The following MRRF variants were observed in gnomAD, a reference collection of about 807,000 sequenced individuals.
MRRF encodes mitochondrial ribosome recycling factor.
MRRF carries 18 observed loss-of-function variants against 25.1 expected under a neutral mutation model. That is an observed-to-expected ratio of 0.72 (90% CI 0.50 to 1.06). The LOEUF is 1.06. Among genes scored for constraint, MRRF ranks in the 50% least tolerant of loss-of-function variants. The probability of loss-of-function intolerance (pLI) is 0.00; values close to 1 mark genes in which losing one functional copy is unlikely to be tolerated. For missense variants in MRRF, 323 were observed against 319.3 expected (o/e 1.01, Z -0.09); for synonymous variants, 113 against 112.1 (o/e 1.01, Z -0.05).
chr9:122,329,646 A>C lies in MRRF; in HGVS notation c.*7029A>C, dbSNP rs1309823994. 6.6e-6 allele frequency: 1 copy of C among 152,398 alleles called. No individual in the cohort carries two copies. Among genetic ancestry groups the C allele is most frequent in the Non-Finnish European group, 1.5e-5 (1 of 68,142 alleles). The allele number at this position is 152,398 out of a possible 1,614,324, so 9.4% of individuals were successfully genotyped here. Reference sequence around the variant, plus strand: ...TCCCTCTCCCCTCATCCAATAAGTCACCAAGTCCTGTCAATTCTCCCTTCA... The same window carrying C: ...TCCCTCTCCCCTCATCCAATAAGTCCCCAAGTCCTGTCAATTCTCCCTTCA... On this transcript the variant is annotated 3_prime_UTR_variant, in exon 7 of 7. Transcript: ENST00000344641.
intron 5 of MRRF, among the ~76,000 whole-genome samples, chr9:122,308,699 C>CAAAAA (rs776774424): frequency 6.7e-5 from 4 of 60,104 alleles, no homozygotes; most frequent in African/African-American, 2.6e-4. Context: ...ACTCCATCTC[C>CAAAAA]AAAAAAAAAA....
intron 1 of MRRF, among the ~76,000 whole-genome samples, chr9:122,266,912 A>T (rs1037709354): frequency 2.6e-5 from 4 of 151,888 alleles, no homozygotes; most frequent in Non-Finnish European, 5.9e-5. Context: ...TCTACTAAAA[A>T]TACAAAAATT....
At chr9:122,319,510 C>CTATTCTACCTGCTTCA (rs1236781967) in intron 6 of MRRF, among the ~76,000 whole-genome samples, 4 of 152,094 alleles carry the variant, frequency 2.6e-5, no homozygotes, top group Non-Finnish European at 5.9e-5. Flanking sequence ...GGGATAATAC[C>CTATTCTACCTGCTTCA]TATTCTACCT....
At chr9:122,285,598 C>T in intron 4 of MRRF, 1 of 457,854 alleles carries the variant, frequency 2.2e-6, no homozygotes, top group South Asian at 2.1e-5. Context: ...GAGCCTGTAC[C>T]TTGTGTGAGT....
intron 4 of MRRF, among the ~76,000 whole-genome samples, chr9:122,289,786 G>A (rs1428354917): frequency 6.6e-6 from 1 of 152,060 alleles, no homozygotes; most frequent in Non-Finnish European, 1.5e-5. Context: ...CCAGTACTCT[G>A]GGAGGCTGAG....
intron 6 of MRRF, among the ~76,000 whole-genome samples, chr9:122,314,062 T>C (rs1024079137): frequency 3.3e-5 from 5 of 152,192 alleles, no homozygotes; most frequent in Admixed American, 6.5e-5. Context: ...CGTTAACATG[T>C]ACAGACTGTC....
intron 5 of MRRF, among the ~76,000 whole-genome samples, chr9:122,310,747 G>A (rs1359908029): frequency 2.6e-5 from 4 of 152,172 alleles, no homozygotes; most frequent in Admixed American, 6.5e-5. Context: ...ATGGGTGAAT[G>A]CACATCAACT....
At chr9:122,300,901 A>G (rs1375263599) in intron 5 of MRRF, among the ~76,000 whole-genome samples, 3 of 152,218 alleles carry the variant, frequency 2.0e-5, no homozygotes. Context: ...AAGAAAATCT[A>G]GTGACTAGTC....
chr9:122,308,010 G>C (rs1230517612), intron 5 of MRRF, among the ~76,000 whole-genome samples: 1 of 152,122 alleles, frequency 6.6e-6, no homozygotes, highest in Non-Finnish European at 1.5e-5. Flanking sequence ...GTTAGCAGTG[G>C]GGCATGCCCT....
intron 4 of MRRF, among the ~76,000 whole-genome samples, chr9:122,291,087 C>T (rs1224957332): frequency 2.0e-5 from 3 of 152,146 alleles, no homozygotes. Context: ...GTTTAGGGAC[C>T]ACATGGTCTC....
At chr9:122,319,874 ATTTT>A (rs975991164) in intron 6 of MRRF, among the ~76,000 whole-genome samples, 1 of 129,986 alleles carries the variant, frequency 7.7e-6, no homozygotes, top group Non-Finnish European at 1.6e-5. Flanking sequence ...ATTTTCATTA[ATTTT>A]TTTTTTTTTT....
chr9:122,286,066 G>A (rs147214660), intron 4 of MRRF: 3 of 1,287,842 alleles, frequency 2.3e-6, no homozygotes, highest in East Asian at 5.6e-5. Context: ...GAGTCTTAGA[G>A]TACCTGGAAT....
rs1037498729 is a variant in MRRF at position 122,270,741 on chromosome 9, A to G, written c.-28-123A>G. On this transcript the variant is annotated intron_variant, in intron 1 of 6. Transcript: ENST00000344641. The stretch of plus-strand genomic sequence containing the variant: ...GAAAAGGATTAGAGATAATGTATTT[A>G]AATTGTCTAGTACTTAGCTCAGTTT... The G allele has an allele frequency of 1.9e-5, 14 of 748,114 alleles. No individual in the cohort carries two copies. The African/African-American group carries it at 2.4e-4, about 13-fold the overall frequency. The allele number at this position is 748,114 out of a possible 1,614,324, so 46.3% of individuals were successfully genotyped here.
At chr9:122,312,982 G>T (rs1399807858) in intron 5 of MRRF, among the ~76,000 whole-genome samples, 1 of 152,148 alleles carries the variant, frequency 6.6e-6, no homozygotes, top group African/African-American at 2.4e-5. Context: ...GAAATATTGG[G>T]ATTTGAATCC....
intron 6 of MRRF, among the ~76,000 whole-genome samples, chr9:122,322,014 A>T (rs1835918889): frequency 4.6e-5 from 7 of 152,134 alleles, no homozygotes; most frequent in Admixed American, 4.6e-4. Flanking sequence ...TATCTGCAAA[A>T]TGGGGATAAT....
At chr9:122,296,953 T>C (rs1260872792) in intron 5 of MRRF, among the ~76,000 whole-genome samples, 1 of 152,214 alleles carries the variant, frequency 6.6e-6, no homozygotes, top group Non-Finnish European at 1.5e-5. Context: ...TTTGCATCTT[T>C]CCTTGATTGT....
intron 2 of MRRF, among the ~76,000 whole-genome samples, chr9:122,271,601 C>T (rs537350140): frequency 2.9e-4 from 44 of 152,314 alleles, no homozygotes; most frequent in Middle Eastern, 3.4e-3. Context: ...TAGGTCAAGT[C>T]CCCTGTTGCC....
intron 3 of MRRF, 123 bp from the exon 4 acceptor site, chr9:122,285,046 C>T: frequency 1.4e-6 from 1 of 722,638 alleles, no homozygotes; most frequent in Admixed American, 2.0e-5. Context: ...CCACTTCACT[C>T]CCAAAGCTCT....
Position 122,280,500 on chromosome 9 carries a change from A to C in MRRF, c.242A>C (p.Asp81Ala). The C allele has an allele frequency of 6.2e-7, 1 of 1,614,082 alleles. No individual in the cohort carries two copies. The highest frequency in any genetic ancestry group is 8.5e-7 in the Non-Finnish European group (1 of 1,179,938). ...RVNINAALVE[D>A]IINLEEVNEE... ...AATATTAATGCTGCCTTGGTTGAGG[A>C]TATAATCAACTTGGAAGAGGTGAAT... is the stretch of plus-strand genomic sequence containing the variant. The change falls in exon 3 of 7, where the codon GAT (aspartate) becomes GCT (alanine). Residue 81 changes from aspartate to alanine, a missense_variant. Transcript: ENST00000344641.
Sources: gnomAD v4.1 joint callset for allele counts (sites outside exome capture counted in the v4.1 genomes callset) on GRCh38, gnomAD v4.1.1 for gene constraint, MANE v1.5 for transcripts, NCBI Gene and HGNC (gene_info 2026-07-23, HGNC 2026-07-21) for gene names.